RELCH: variants seen among roughly 807,000 people sequenced by gnomAD.
RELCH encodes RAB11-binding protein RELCH.
Under a neutral mutation model 150.3 loss-of-function variants are expected in RELCH, and 41 were observed. The observed-to-expected ratio is 0.27, with a 90% CI of 0.21 to 0.35. RELCH has a LOEUF of 0.35. Ranked by LOEUF, RELCH falls within the 10% of genes least tolerant of loss-of-function variation. The pLI, the probability that RELCH is intolerant of heterozygous loss-of-function variation, is 1.00. For missense variants in RELCH, 1,092 were observed against 1,467.8 expected, an observed-to-expected ratio of 0.74 and a Z score of 4.18; for synonymous variants, 478 against 531.8, an observed-to-expected ratio of 0.90 and a Z score of 1.39.
chr18:62,197,303 T>G (rs2039114880), intron 1 of RELCH, among the ~76,000 whole-genome samples: 2 of 152,194 alleles, frequency 1.3e-5, no homozygotes, highest in Non-Finnish European at 2.9e-5. Flanking sequence ...TGTGAAAAAT[T>G]AAAATTATGC....
rs751991335 is a variant in RELCH, at chr18:62,228,494, T to C, written c.1344T>C (p.Ile448=). 2 of 1,613,248 alleles carry C rather than the reference T, an allele frequency of 1.2e-6. No individual in the cohort carries two copies. The highest frequency in any genetic ancestry group is 2.2e-5 in the South Asian group (2 of 91,062). The change falls in exon 8 of 29, where the codon ATT becomes ATC. Residue 448 remains isoleucine (I), a synonymous_variant. Transcript: ENST00000644646. ...LSISDEADST[I]PKENSPNSFP... The stretch of plus-strand genomic sequence containing the variant: ...TATCAGATGAAGCTGATTCCACTAT[T>C]CCTAAAGAGAATTCCCCAAATTCAT...
intron 24 of RELCH, among the ~76,000 whole-genome samples, chr18:62,281,464 G>A (rs1421601408): frequency 6.6e-6 from 1 of 151,686 alleles, no homozygotes; most frequent in Non-Finnish European, 1.5e-5. Context: ...TGTCATGCCT[G>A]TTTCAGGAGA....
chr18:62,301,022 A>G (rs2045641730), intron 28 of RELCH: 2 of 152,248 alleles, frequency 1.3e-5, no homozygotes, highest in South Asian at 4.1e-4. Context: ...AGAAGCAGTT[A>G]AAAATAAAGA....
In RELCH at chr18:62,244,802, T is replaced by C. The variant is rs2042321219; in HGVS notation, c.1659T>C (p.His553=). ...TCATATTGTGTACAGCATGTCTACA[T>C]CCTGAGCCTAAAGAGCGAGATCAGC... ...IPLILCTACL[H]PEPKERDQLL... Residue 553 remains histidine, a synonymous_variant, in exon 11 of 29, where the codon CAT becomes CAC. Transcript: ENST00000644646. 1 of 1,613,424 alleles carries C rather than the reference T, an allele frequency of 6.2e-7. No homozygotes were observed. The highest frequency in any genetic ancestry group is 1.3e-5 in the African/African-American group (1 of 74,894).
chr18:62,300,302 T>A (rs941921194), intron 28 of RELCH: 1 of 152,192 alleles, frequency 6.6e-6, no homozygotes, highest in East Asian at 1.9e-4. Context: ...TTTTTACACA[T>A]ATGATTCCGT....
At chr18:62,303,065 T>G (rs1411322620) in intron 28 of RELCH, among the ~76,000 whole-genome samples, 1 of 151,612 alleles carries the variant, frequency 6.6e-6, no homozygotes, top group African/African-American at 2.4e-5. Context: ...GTCTTTATCA[T>G]CTGGTAGAGG....
At position 62,228,489 on chromosome 18, in the gene RELCH, A is replaced by G. The variant is rs373258912; in HGVS notation, c.1339A>G (p.Thr447Ala). Residue 447 changes from threonine (T) to alanine (A), a missense_variant, in exon 8 of 29, where the codon ACT becomes GCT. Physicochemically the swap from Thr to Ala is moderately conservative, Grantham distance 58 (BLOSUM62 0). Coordinates refer to ENST00000644646, the MANE Select transcript of RELCH (RefSeq NM_001346231.2). ...HLSISDEADS[T>A]IPKENSPNSF... ...TTCAATATCAGATGAAGCTGATTCC[A>G]CTATTCCTAAAGAGAATTCCCCAAA... 2.4e-5 allele frequency: 38 copies of G among 1,613,270 alleles called. No individual in the cohort carries two copies. Among genetic ancestry groups the G allele is most frequent in the Non-Finnish European group, 3.1e-5 (36 of 1,179,556 alleles).
In RELCH at chr18:62,187,358, G is replaced by C. The variant is rs1455218578; in HGVS notation, c.-148G>C. ...CAGCTGCATCCGGATCTCCTGCCTT[G>C]GAGCGTACTCCTTGTCTCTAAGTCG... On this transcript the variant is annotated 5_prime_UTR_variant, in exon 1 of 29. Coordinates refer to ENST00000644646, the MANE Select transcript of RELCH (RefSeq NM_001346231.2). 6.0e-6 allele frequency: 4 copies of C among 665,982 alleles called. No homozygotes were observed. The highest frequency in any genetic ancestry group is 9.5e-6 in the Non-Finnish European group (4 of 422,652). The allele number at this position is 665,982 out of a possible 1,614,324, so 41.3% of individuals were successfully genotyped here. A position where few individuals can be genotyped will look rare whatever the true frequency, so the allele number is the denominator to read the frequency against.
intron 27 of RELCH, among the ~76,000 whole-genome samples, chr18:62,292,318 GTC>G (rs2145066792): frequency 6.6e-6 from 1 of 152,032 alleles, no homozygotes; most frequent in African/African-American, 2.4e-5. Context: ...ATAGCTTCAC[GTC>G]TCTCTGCAGC....
chr18:62,282,531 T>C, intron 25 of RELCH, 87 bp downstream of exon 25: 1 of 1,352,566 alleles, frequency 7.4e-7, no homozygotes, highest in African/African-American at 1.5e-5. Flanking sequence ...TGTATTAAAA[T>C]TTTGGTGCAT....
intron 5 of RELCH, among the ~76,000 whole-genome samples, chr18:62,227,066 G>T (rs1431949426): frequency 6.6e-6 from 1 of 151,404 alleles, no homozygotes; most frequent in Admixed American, 6.6e-5. Flanking sequence ...AGTGGCGGGT[G>T]CTTGTAGTTC....
intron 1 of RELCH, among the ~76,000 whole-genome samples, chr18:62,196,721 A>G (rs2148207380): frequency 6.6e-6 from 1 of 152,254 alleles, no homozygotes; most frequent in Middle Eastern, 3.4e-3. Flanking sequence ...TGGTGGCCTG[A>G]ATATAGTTGG....
chr18:62,198,179 C>T (rs2039174921), intron 1 of RELCH, among the ~76,000 whole-genome samples: 1 of 152,226 alleles, frequency 6.6e-6, no homozygotes, highest in African/African-American at 2.4e-5. Flanking sequence ...ATAGTCACAT[C>T]CTACATGTGA....
In RELCH at chr18:62,308,649, G is replaced by A. The variant is rs1258586687; in HGVS notation, c.*3115G>A. The A allele has an allele frequency of 6.6e-6, 1 of 152,034 alleles. No homozygotes were observed. Among genetic ancestry groups the A allele is most frequent in the Non-Finnish European group, 1.5e-5 (1 of 67,996 alleles). The allele number at this position is 152,034 out of a possible 1,614,324, so 9.4% of individuals were successfully genotyped here. On this transcript the variant is annotated 3_prime_UTR_variant, in exon 29 of 29. Coordinates refer to ENST00000644646, the MANE Select transcript of RELCH (RefSeq NM_001346231.2). The stretch of plus-strand genomic sequence containing the variant: ...GGAGAATCGTTTGAACCTGGGAAGC[G>A]GAGATTGCAGTGGGCCGCTATTGCA...
At chr18:62,210,294 C>A (rs2040076600) in intron 1 of RELCH, among the ~76,000 whole-genome samples, 1 of 152,208 alleles carries the variant, frequency 6.6e-6, no homozygotes, top group Non-Finnish European at 1.5e-5. Flanking sequence ...CCTACCCCAT[C>A]TCTTGCCTCA....
chr18:62,284,607 T>G (rs1266669472), intron 25 of RELCH, among the ~76,000 whole-genome samples: 1 of 152,176 alleles, frequency 6.6e-6, no homozygotes, highest in East Asian at 1.9e-4. Flanking sequence ...AAGATAAATA[T>G]TGAAGTAGAA....
chr18:62,201,259 C>T (rs11664066), intron 1 of RELCH, among the ~76,000 whole-genome samples: 42,635 of 152,006 alleles, frequency 0.28, 7,166 homozygotes, highest in East Asian at 0.59. Context: ...AGGCGTGAGC[C>T]ACCGCCCCCG....
In RELCH at chr18:62,309,725, T is replaced by C. The variant is rs1200340477; in HGVS notation, c.*4191T>C. The C allele has an allele frequency of 6.6e-6, 1 of 152,230 alleles. No homozygotes were observed. Among genetic ancestry groups the C allele is most frequent in the Non-Finnish European group, 1.5e-5 (1 of 68,034 alleles). 9.4% of individuals were successfully genotyped at this position (152,230 alleles called of 1,614,324 possible). A position where few individuals can be genotyped will look rare whatever the true frequency, so the allele number is the denominator to read the frequency against. ...CCGCATATCTACATGGAGAACTATATTACTATTTTAATTCCTTTTATTCCA... is the reference window on the plus strand; with the variant it reads ...CCGCATATCTACATGGAGAACTATACTACTATTTTAATTCCTTTTATTCCA... On this transcript the variant is annotated 3_prime_UTR_variant, in exon 29 of 29. Transcript: ENST00000644646.
chr18:62,281,881 A>G (rs1372409143), intron 24 of RELCH, among the ~76,000 whole-genome samples: 8 of 152,184 alleles, frequency 5.3e-5, no homozygotes, highest in South Asian at 4.1e-4. Flanking sequence ...CTAAAATAAA[A>G]ATGTCTTTTA....
Sources: allele counts gnomAD v4.1 joint callset (sites outside exome capture counted in the v4.1 genomes callset), GRCh38; gene constraint gnomAD v4.1.1; transcripts MANE v1.5; gene names NCBI Gene and HGNC (gene_info 2026-07-23, HGNC 2026-07-21).